Variants in ADGRB3 observed in about 807,000 individuals in gnomAD.
The protein encoded by ADGRB3 is brain-specific angiogenesis inhibitor 3.
In ADGRB3, 37 loss-of-function variants were observed where a neutral mutation model predicts 193.4. The ratio of observed to expected loss-of-function variants is 0.19; its 90% CI spans 0.15 to 0.25. The LOEUF (loss-of-function observed/expected upper bound fraction) is 0.25. Among genes scored for constraint, ADGRB3 ranks in the 10% least tolerant of loss-of-function variants. The pLI is 1.00. For synonymous variants in ADGRB3, 690 were observed against 644.2 expected, an observed-to-expected ratio of 1.07 and a Z score of -1.08; for missense variants, 1,637 against 1,852.9, an observed-to-expected ratio of 0.88 and a Z score of 2.14.
intron 3 of ADGRB3, among the ~76,000 whole-genome samples, chr6:68,924,205 T>C (rs187424454): frequency 6.6e-6 from 1 of 152,194 alleles, no homozygotes; most frequent in Non-Finnish European, 1.5e-5. Context: ...AATTGCATAA[T>C]GGATAAGAAA....
At position 69,126,983 on chromosome 6, in the gene ADGRB3, A is replaced by G. The variant is rs926061393; in HGVS notation, c.2480+50945A>G. ...GCTTTGCTGGAATTTGTCCCCAGAT[A>G]TACCTAAGGGTATAGGAAATTGAGA... On this transcript the variant is annotated intron_variant, in intron 17 of 31. Coordinates refer to ENST00000370598, the MANE Select transcript of ADGRB3 (RefSeq NM_001704.3). Among the ~76,000 whole-genome samples, 3 of 152,208 alleles carry G rather than the reference A, an allele frequency of 2.0e-5. No homozygotes were observed. In the East Asian group the frequency reaches 5.8e-4, roughly 29 times the overall value.
intron 3 of ADGRB3, among the ~76,000 whole-genome samples, chr6:68,746,299 A>G (rs1766082694): frequency 6.6e-6 from 1 of 151,718 alleles, no homozygotes; most frequent in Non-Finnish European, 1.5e-5. Context: ...TCTTATGTTC[A>G]TAGGTGATTT....
intron 3 of ADGRB3, among the ~76,000 whole-genome samples, chr6:68,866,113 G>T (rs1456071015): frequency 5.1e-5 from 6 of 116,752 alleles, no homozygotes; most frequent in African/African-American, 1.3e-4. Context: ...TCAGAATTTG[G>T]CACTAAGTCC....
chr6:68,672,701 G>C (rs970975450), intron 3 of ADGRB3, among the ~76,000 whole-genome samples: 3 of 152,022 alleles, frequency 2.0e-5, no homozygotes, highest in Non-Finnish European at 2.9e-5. Context: ...AAGTTGGCTA[G>C]TACATGGTAC....
At chr6:69,036,437 T>A (rs1770873667) in intron 13 of ADGRB3, among the ~76,000 whole-genome samples, 1 of 152,098 alleles carries the variant, frequency 6.6e-6, no homozygotes, top group African/African-American at 2.4e-5. Flanking sequence ...TTGTTAAACC[T>A]CATCTATTAA....
intron 3 of ADGRB3, among the ~76,000 whole-genome samples, chr6:68,901,544 A>C (rs1766393861): frequency 6.6e-6 from 1 of 152,220 alleles, no homozygotes; most frequent in African/African-American, 2.4e-5. Context: ...GGTCATTGGG[A>C]ACCATCTTAG....
chr6:68,789,712 T>G (rs1198100088), intron 3 of ADGRB3, among the ~76,000 whole-genome samples: 1 of 152,238 alleles, frequency 6.6e-6, no homozygotes, highest in East Asian at 1.9e-4. Context: ...CTTGCTAGAT[T>G]GGGGAAGTTC....
intron 3 of ADGRB3, among the ~76,000 whole-genome samples, chr6:68,873,331 G>C (rs1408468488): frequency 1.3e-5 from 2 of 152,112 alleles, no homozygotes; most frequent in East Asian, 3.8e-4. Context: ...TCTGGTTTTA[G>C]GTTTGGCTAC....
intron 20 of ADGRB3, among the ~76,000 whole-genome samples, chr6:69,264,195 C>T (rs963324570): frequency 3.9e-5 from 6 of 151,940 alleles, no homozygotes; most frequent in African/African-American, 1.4e-4. Context: ...GAAGGAAACT[C>T]TCTAGGGAAA....
At chr6:68,682,353 T>G (rs953292715) in intron 3 of ADGRB3, among the ~76,000 whole-genome samples, 1 of 152,164 alleles carries the variant, frequency 6.6e-6, no homozygotes, top group African/African-American at 2.4e-5. Context: ...TGTATAAATA[T>G]AAAGCAAGAT....
At chr6:69,040,707 A>AAAAAAAAAAAT (rs1771038176) in intron 13 of ADGRB3, among the ~76,000 whole-genome samples, 2 of 60,394 alleles carry the variant, frequency 3.3e-5, no homozygotes, top group African/African-American at 1.4e-4. Flanking sequence ...AAAAAAAAAA[A>AAAAAAAAAAAT]AACAAACAAG....
intron 3 of ADGRB3, among the ~76,000 whole-genome samples, chr6:68,761,694 G>T (rs1383681606): frequency 1.3e-5 from 2 of 151,314 alleles, no homozygotes; most frequent in African/African-American, 4.9e-5. Flanking sequence ...CTGCTTTTTT[G>T]TTGTTGTTGT....
rs547832311 is a variant in ADGRB3 at position 69,330,660 on chromosome 6, T to C, written c.3102+88T>C. The C allele has an allele frequency of 3.6e-6, 4 of 1,102,970 alleles. No homozygotes were observed. In the South Asian group the frequency reaches 5.0e-5, roughly 14 times the overall value. The allele number at this position is 1,102,970 out of a possible 1,614,324, so 68.3% of individuals were successfully genotyped here. A position where few individuals can be genotyped will look rare whatever the true frequency, so the allele number is the denominator to read the frequency against. On this transcript the variant is annotated intron_variant, in intron 23 of 31. Coordinates refer to ENST00000370598, the MANE Select transcript of ADGRB3 (RefSeq NM_001704.3). ...AATTAGAGTGGCAATTTTGATAATG[T>C]AGTTCTTGTGTAGAAATTTTAAAGT...
At chr6:68,944,399 G>C (rs1408722520) in intron 6 of ADGRB3, among the ~76,000 whole-genome samples, 1 of 151,968 alleles carries the variant, frequency 6.6e-6, no homozygotes, top group Non-Finnish European at 1.5e-5. Context: ...ATTCAATTAG[G>C]GAGTGGCAAT....
At chr6:69,172,971 G>A (rs1775322849) in intron 17 of ADGRB3, among the ~76,000 whole-genome samples, 1 of 152,220 alleles carries the variant, frequency 6.6e-6, no homozygotes, top group Admixed American at 6.5e-5. Context: ...TATAGGCAGG[G>A]CCTGGATCAG....
intron 3 of ADGRB3, among the ~76,000 whole-genome samples, chr6:68,677,520 T>C (rs1388570517): frequency 2.2e-5 from 3 of 136,414 alleles, no homozygotes; most frequent in South Asian, 2.3e-4. Context: ...TTTCTTTTTT[T>C]CTTTTTTTTT....
intron 20 of ADGRB3, among the ~76,000 whole-genome samples, chr6:69,255,803 C>A (rs1766754533): frequency 6.6e-6 from 1 of 152,226 alleles, no homozygotes; most frequent in South Asian, 2.1e-4. Flanking sequence ...ATGGTAATGC[C>A]TAGGTTTTCT....
intron 17 of ADGRB3, among the ~76,000 whole-genome samples, chr6:69,158,657 G>C (rs1051566099): frequency 1.3e-5 from 2 of 151,940 alleles, no homozygotes; most frequent in East Asian, 3.9e-4. Context: ...TATTGGGGAG[G>C]ATGCCCTCAT....
At chr6:68,904,092 AG>A (rs1389053216) in intron 3 of ADGRB3, among the ~76,000 whole-genome samples, 2 of 46,278 alleles carry the variant, frequency 4.3e-5, no homozygotes, top group Admixed American at 2.0e-4. Flanking sequence ...GGAGGGCGGG[AG>A]GAAGGAAGGA....
Sources: gnomAD v4.1 joint callset for allele counts (sites outside exome capture counted in the v4.1 genomes callset) on GRCh38, gnomAD v4.1.1 for gene constraint, MANE v1.5 for transcripts, NCBI Gene and HGNC (gene_info 2026-07-23, HGNC 2026-07-21) for gene names.